The following CUBN variants were observed in gnomAD, a reference collection of about 807,000 sequenced individuals.
CUBN encodes the protein 460 kDa receptor.
CUBN carries 282 observed loss-of-function variants against 405.3 expected under a neutral mutation model. That is an observed-to-expected ratio of 0.70 (90% CI 0.63 to 0.77). The LOEUF (loss-of-function observed/expected upper bound fraction) is 0.77. CUBN is among the 30% of genes least tolerant of loss of function. The pLI is 0.00. For synonymous variants in CUBN, 1,684 were observed against 1,617.0 expected (o/e 1.04, Z -0.99); for missense variants, 4,514 against 4,475.2 (o/e 1.01, Z -0.25).
chr10:16,836,198 A>C, intron 63 of CUBN, 37 bp downstream of exon 63: 2 of 1,565,796 alleles, frequency 1.3e-6, no homozygotes, highest in Non-Finnish European at 1.8e-6. Context: ...TAATGATGGC[A>C]GCTTTTTTGA....
At position 16,828,927 on chromosome 10, in the gene CUBN, G is replaced by A; in HGVS notation, c.10642C>T (p.Leu3548Phe). ...ATGAAGTAGAAGTTGATGGTGACAA[G>A]CCTTCCAGCAGGAGCAACAAGGACC... ...EWVLVAPAGR[L>F]VTINFYFISI... The change falls in exon 66 of 67, where the codon CTT becomes TTT. Residue 3548 changes from leucine to phenylalanine, a missense_variant. Physicochemically the swap from Leu to Phe is conservative, Grantham distance 22 (BLOSUM62 0). Transcript: ENST00000377833. 4 of 1,614,102 alleles carry A rather than the reference G, an allele frequency of 2.5e-6. No homozygotes were observed. Among genetic ancestry groups the A allele is most frequent in the Non-Finnish European group, 3.4e-6 (4 of 1,179,996 alleles).
At position 17,071,955 on chromosome 10, in the gene CUBN, G is replaced by C. The variant is rs200658389; in HGVS notation, c.2318C>G (p.Thr773Ser). Residue 773 changes from threonine (T) to serine (S), a missense_variant, in exon 18 of 67, where the codon ACC (threonine) becomes AGC (serine). Physicochemically the swap from Thr to Ser is moderately conservative, Grantham distance 58. Around this residue, in one of 5 missense-constraint regions of CUBN, gnomAD observed 1,448 missense variants for 1,388.0 expected, o/e 1.04. Coordinates refer to ENST00000377833, the MANE Select transcript of CUBN (RefSeq NM_001081.4). ...GTTGCCACAGACTTTTCCAAGTAAG[G>C]TTTCACCATCTCGAACCTAAAGAGA... The part of the protein sequence containing the change: ...QNYIEVRDGE[T>S]LLGKVCGNGT... The C allele has an allele frequency of 7.9e-5, 127 of 1,612,456 alleles. No homozygotes were observed. Among genetic ancestry groups the C allele is most frequent in the Non-Finnish European group, 1.0e-4 (121 of 1,179,378 alleles).
At position 16,918,788 on chromosome 10, in the gene CUBN, G is replaced by A. The variant is rs1477033903; in HGVS notation, c.6834C>T (p.Asn2278=). 1 of 1,613,700 alleles carries A rather than the reference G, an allele frequency of 6.2e-7. No homozygotes were observed. Among genetic ancestry groups the A allele is most frequent in the African/African-American group, 1.3e-5 (1 of 75,010 alleles). Residue 2278 remains asparagine (N), a synonymous_variant, in exon 45 of 67, where the codon AAC becomes AAT. Transcript: ENST00000377833. ...DIEVTPNCTS[N]YLELRDGVDS... ...CCACTCCATCCCGCAACTCAAGGTA[G>A]TTGGAAGTACAGCTGAAGTGGGAAC...
At chr10:16,905,453 A>T (rs1481352848) in intron 50 of CUBN, among the ~76,000 whole-genome samples, 1 of 152,142 alleles carries the variant, frequency 6.6e-6, no homozygotes, top group Non-Finnish European at 1.5e-5. Flanking sequence ...GTGTTTCTCC[A>T]TCTGGTATAT....
At chr10:17,080,424 G>A (rs1835942878) in intron 17 of CUBN, among the ~76,000 whole-genome samples, 1 of 152,100 alleles carries the variant, frequency 6.6e-6, no homozygotes, top group African/African-American at 2.4e-5. Flanking sequence ...ACTCCTTCCT[G>A]TCTTATTGAT....
intron 56 of CUBN, among the ~76,000 whole-genome samples, chr10:16,878,061 G>C (rs947366813): frequency 2.0e-5 from 3 of 152,372 alleles, no homozygotes; most frequent in Non-Finnish European, 4.4e-5. Context: ...GCCTAGGCGG[G>C]CGGATCACCT....
At position 16,908,872 on chromosome 10, in the gene CUBN, C is replaced by CTTT. The variant is rs35736503; in HGVS notation, c.7534-1196_7534-1194dup. ...CACTCCACAACAAAAGATGTCATCTCTTTTTTTTTTTTTTTTTTTTTGAGA... is the reference window on the plus strand; with the variant it reads ...CACTCCACAACAAAAGATGTCATCTCTTTTTTTTTTTTTTTTTTTTTTTTGAGA... On this transcript the variant is annotated intron_variant, in intron 48 of 66. Transcript: ENST00000377833. Among the ~76,000 whole-genome samples, 686 of 115,244 alleles carry CTTT rather than the reference C, an allele frequency of 6.0e-3. 3 individuals carry two copies. Among genetic ancestry groups the CTTT allele is most frequent in the Middle Eastern group, 0.016 (3 of 186 alleles). The allele number at this position is 115,244 out of a possible 152,430, so 75.6% of individuals were successfully genotyped here. A position where few individuals can be genotyped will look rare whatever the true frequency, so the allele number is the denominator to read the frequency against.
chr10:16,834,021 C>T (rs1405168225), intron 64 of CUBN, among the ~76,000 whole-genome samples: 2 of 152,214 alleles, frequency 1.3e-5, no homozygotes, highest in African/African-American at 2.4e-5. Flanking sequence ...TTAAACTCCA[C>T]TCACAGAGGA....
intron 29 of CUBN, among the ~76,000 whole-genome samples, chr10:16,985,607 A>G (rs2932893): frequency 0.86 from 130,786 of 152,174 alleles, 57,245 homozygotes; most frequent in Non-Finnish European, 0.96. Flanking sequence ...CCTGCCCATG[A>G]GGGCTTTGAG....
intron 27 of CUBN, among the ~76,000 whole-genome samples, chr10:17,021,232 G>A (rs1834492542): frequency 6.6e-6 from 1 of 152,026 alleles, no homozygotes; most frequent in South Asian, 2.1e-4. Context: ...GAAATGGAGG[G>A]TGCAAGGTTG....
chr10:17,103,409 A>G (rs1836544534), intron 12 of CUBN, among the ~76,000 whole-genome samples, 172 bp from the exon 13 acceptor site: 1 of 152,122 alleles, frequency 6.6e-6, no homozygotes, highest in Admixed American at 6.5e-5. Flanking sequence ...TTCCATAGAA[A>G]TCCCACCTCT....
chr10:17,047,363 A>G (rs780638759), intron 23 of CUBN, 51 bp downstream of exon 23: 8 of 1,378,498 alleles, frequency 5.8e-6, no homozygotes, highest in Non-Finnish European at 8.1e-6. Context: ...AAAGATTATT[A>G]ATGAGAATAA....
chr10:17,086,122 C>G (rs1971461), intron 15 of CUBN, among the ~76,000 whole-genome samples: 53,969 of 151,852 alleles, frequency 0.36, 11,498 homozygotes, highest in East Asian at 0.56. Flanking sequence ...CCTGCCACCA[C>G]GCCCAGCTAT....
At chr10:16,840,234 A>G in intron 62 of CUBN, 96 bp downstream of exon 62, 1 of 1,130,192 alleles carries the variant, frequency 8.8e-7, no homozygotes. Context: ...TAAAAAAAAG[A>G]AAATTATTTC....
chr10:16,947,118 T>G (rs1377603396), intron 36 of CUBN, 117 bp downstream of exon 36: 4 of 1,129,518 alleles, frequency 3.5e-6, no homozygotes, highest in Non-Finnish European at 5.3e-6. Context: ...AGAGGAAATT[T>G]GGAAAAATAC....
chr10:17,063,465 G>C (rs542759163), intron 22 of CUBN, among the ~76,000 whole-genome samples: 1 of 152,074 alleles, frequency 6.6e-6, no homozygotes, highest in East Asian at 1.9e-4. Flanking sequence ...TGAAAACATC[G>C]TCTCCCCTTC....
chr10:17,047,393 G>A, intron 23 of CUBN, 21 bp downstream of exon 23: 2 of 1,539,272 alleles, frequency 1.3e-6, no homozygotes, highest in Non-Finnish European at 1.8e-6. Context: ...AGATTATAAT[G>A]AAATAAATAA....
intron 17 of CUBN, among the ~76,000 whole-genome samples, chr10:17,079,235 CTTTT>C (rs34189586): frequency 8.0e-6 from 1 of 124,522 alleles, no homozygotes. Context: ...AATGCAAACT[CTTTT>C]TTTTTTTTTT....
intron 51 of CUBN, among the ~76,000 whole-genome samples, chr10:16,902,338 A>AT (rs942169092): frequency 7.0e-6 from 1 of 143,730 alleles, no homozygotes; most frequent in East Asian, 2.0e-4. Flanking sequence ...TATATTTTGT[A>AT]TTTTTTTGTG....
Sources: allele counts gnomAD v4.1 joint callset (sites outside exome capture counted in the v4.1 genomes callset), GRCh38; gene constraint gnomAD v4.1.1; regional missense constraint gnomAD v4.1.1; transcripts MANE v1.5; gene names NCBI Gene and HGNC (gene_info 2026-07-23, HGNC 2026-07-21).